The following DUSP16 variants were observed in gnomAD, a reference collection of about 807,000 sequenced individuals.
DUSP16 encodes dual specificity phosphatase 16.
A neutral mutation model predicts 58.3 loss-of-function variants in DUSP16; 21 were observed. The ratio of observed to expected loss-of-function variants is 0.36; its 90% CI spans 0.26 to 0.52. The LOEUF (loss-of-function observed/expected upper bound fraction) is 0.52, where lower values mean the gene tolerates loss of function less well. Ranked by LOEUF, DUSP16 falls within the 20% of genes least tolerant of loss-of-function variation. DUSP16 has a pLI of 0.94. For synonymous variants in DUSP16, 320 were observed against 323.8 expected (o/e 0.99, Z 0.12); for missense variants, 726 against 819.0 (o/e 0.89, Z 1.39).
chr12:12,560,507 AT>A (rs1207956028), intron 1 of DUSP16, among the ~76,000 whole-genome samples: 5 of 152,198 alleles, frequency 3.3e-5, no homozygotes, highest in Non-Finnish European at 5.9e-5. Context: ...AACTTTCCAC[AT>A]TGTCTTCAAA....
rs1943399785 is a variant in DUSP16, at chr12:12,475,116, T to C, written c.*1717A>G. ...AGAAGTCACCATAGGAAACATGAAG[T>C]CACATCCTGGTCAAAAAACTGTCCA... is the stretch of plus-strand genomic sequence containing the variant. On this transcript the variant is annotated 3_prime_UTR_variant, in exon 7 of 7. Coordinates refer to ENST00000298573, the MANE Select transcript of DUSP16 (RefSeq NM_030640.3). The C allele has an allele frequency of 6.6e-6, 1 of 151,970 alleles. No homozygotes were observed. Among genetic ancestry groups the C allele is most frequent in the African/African-American group, 2.4e-5 (1 of 41,318 alleles). The allele number at this position is 151,970 out of a possible 1,614,324, so 9.4% of individuals were successfully genotyped here. A position where few individuals can be genotyped will look rare whatever the true frequency, so the allele number is the denominator to read the frequency against.
intron 3 of DUSP16, among the ~76,000 whole-genome samples, chr12:12,518,301 G>C (rs1176123351): frequency 6.6e-6 from 1 of 152,136 alleles, no homozygotes; most frequent in East Asian, 1.9e-4. Context: ...GATCACCTGA[G>C]GTCAAAGTTC....
In DUSP16 at chr12:12,501,609, A is replaced by G. The variant is rs1943911681; in HGVS notation, c.368-927T>C. ...AACAGATTCTGATAAATTTTCAGAT[A>G]TACGCCTTGCTATTCAAACCCTCGC... On this transcript the variant is annotated intron_variant, in intron 3 of 6. Transcript: ENST00000298573. 2.0e-5 allele frequency among the ~76,000 whole-genome samples: 3 copies of G among 152,296 alleles called. No homozygotes were observed. In the South Asian group the frequency reaches 6.2e-4, roughly 32 times the overall value.
intron 3 of DUSP16, among the ~76,000 whole-genome samples, chr12:12,511,172 G>A (rs2136223354): frequency 6.6e-6 from 1 of 152,208 alleles, no homozygotes; most frequent in East Asian, 1.9e-4. Flanking sequence ...GACAGAGCAT[G>A]TGAACAGATC....
At chr12:12,556,463 T>G (rs1944807419) in intron 1 of DUSP16, among the ~76,000 whole-genome samples, 1 of 151,954 alleles carries the variant, frequency 6.6e-6, no homozygotes, top group African/African-American at 2.4e-5. Flanking sequence ...TGGTCTCAGC[T>G]ACTTGGGAGG....
At chr12:12,478,066 C>T (rs1443901794) in intron 6 of DUSP16, 51 bp from the exon 7 acceptor site, 1 of 1,381,626 alleles carries the variant, frequency 7.2e-7, no homozygotes. Context: ...TACACTTTAT[C>T]TTAAGAATAT....
intron 3 of DUSP16, among the ~76,000 whole-genome samples, chr12:12,517,952 A>G (rs938019107): frequency 1.3e-5 from 2 of 152,122 alleles, no homozygotes; most frequent in African/African-American, 4.8e-5. Flanking sequence ...TTTCTTCCTT[A>G]TTGCCCAGTG....
At chr12:12,559,224 GT>G (rs1329870183) in intron 1 of DUSP16, among the ~76,000 whole-genome samples, 2 of 152,084 alleles carry the variant, frequency 1.3e-5, no homozygotes, top group African/African-American at 4.8e-5. Context: ...TCCTAATTAT[GT>G]TTTTGTTTAA....
At chr12:12,484,330 T>C (rs1207284538) in intron 5 of DUSP16, among the ~76,000 whole-genome samples, 8 of 152,216 alleles carry the variant, frequency 5.3e-5, no homozygotes, top group African/African-American at 1.9e-4. Flanking sequence ...TTTGTGTGTA[T>C]GTGTTTAACC....
rs757592289 is a variant in DUSP16, at chr12:12,477,634, G to A, written c.1197C>T (p.Ser399=). The A allele has an allele frequency of 4.8e-5, 77 of 1,614,258 alleles. 1 individual carries two copies. The South Asian group carries it at 8.5e-4, about 18-fold the overall frequency. ...RLEDSNKLKR[S]FSLDIKSVSY... is the part of the protein sequence containing the mutation. ...AAACTGATTTGATATCCAGAGAGAA[G>A]GAACGCTTGAGCTTATTGCTGTCTT... The change falls in exon 7 of 7, where the codon TCC becomes TCT. Residue 399 remains serine, a synonymous_variant. Transcript: ENST00000298573. This position sits in a 1 kb window ranked among gnomAD's most constrained non-coding sequence, Gnocchi z 4.1.
rs140724465 is a variant in DUSP16, at chr12:12,528,507, G to C, written c.-365-7044C>G. ...AGAAAGATTTAGAACAAGCCAAACA[G>C]AGGTCAGATGGGGATTAATTCGTGC... On this transcript the variant is annotated intron_variant, in intron 1 of 6. Transcript: ENST00000298573. 3.8e-3 allele frequency among the ~76,000 whole-genome samples: 584 copies of C among 152,318 alleles called. 3 individuals carry two copies. Among genetic ancestry groups the C allele is most frequent in the African/African-American group, 0.013 (548 of 41,568 alleles).
In DUSP16 at chr12:12,477,982, T is replaced by G; in HGVS notation, c.849A>C (p.Pro283=). 6.2e-7 allele frequency: 1 copy of G among 1,607,142 alleles called. No individual in the cohort carries two copies. Among genetic ancestry groups the G allele is most frequent in the African/African-American group, 1.3e-5 (1 of 74,648 alleles). Residue 283 remains proline (P), a synonymous_variant, in exon 7 of 7, where the codon CCA becomes CCC. Coordinates refer to ENST00000298573, the MANE Select transcript of DUSP16 (RefSeq NM_030640.3). This position sits in a 1 kb window ranked among gnomAD's most constrained non-coding sequence, Gnocchi z 4.1. The stretch of plus-strand genomic sequence containing the variant: ...GGAGTTGGCCCAGAAAATTGAAGTT[T>G]GGAGATATAGTAGGTCTTTTTTCTT... ...FVKEKRPTIS[P]NFNFLGQLLD...
intron 3 of DUSP16, among the ~76,000 whole-genome samples, 190 bp from the exon 4 acceptor site, chr12:12,500,872 C>T (rs371460053): frequency 3.9e-5 from 6 of 152,308 alleles, no homozygotes; most frequent in African/African-American, 1.4e-4. Flanking sequence ...TATAACGCTA[C>T]CATGGGGATA....
chr12:12,543,393 C>T (rs754009276), intron 1 of DUSP16, among the ~76,000 whole-genome samples: 1 of 151,982 alleles, frequency 6.6e-6, no homozygotes, highest in Admixed American at 6.6e-5. Flanking sequence ...GCAAAGGGGG[C>T]AAACTGGTAA....
intron 4 of DUSP16, among the ~76,000 whole-genome samples, chr12:12,494,270 C>T (rs1943799464): frequency 2.0e-5 from 3 of 152,060 alleles, no homozygotes; most frequent in Admixed American, 1.3e-4. Flanking sequence ...AGTAAATTAA[C>T]AGAAGGTGTG....
chr12:12,526,194 C>G (rs1042114519), intron 1 of DUSP16, among the ~76,000 whole-genome samples: 10 of 152,090 alleles, frequency 6.6e-5, no homozygotes, highest in Non-Finnish European at 1.3e-4. Flanking sequence ...TAAAGAAATA[C>G]CATTTCTGGT....
intron 1 of DUSP16, among the ~76,000 whole-genome samples, chr12:12,531,268 C>T (rs1944379930): frequency 6.6e-6 from 1 of 152,156 alleles, no homozygotes; most frequent in Admixed American, 6.5e-5. Flanking sequence ...TCTCACCCAC[C>T]TGCACTCAAG....
At chr12:12,525,731 TACACACACACACAC>T (rs35552389) in intron 1 of DUSP16, among the ~76,000 whole-genome samples, 2 of 146,080 alleles carry the variant, frequency 1.4e-5, no homozygotes, top group African/African-American at 2.5e-5. Flanking sequence ...AATATATGTA[TACACACACACACAC>T]ACACACACAC....
At chr12:12,520,817 T>G (rs1466540502) in intron 2 of DUSP16, 54 bp downstream of exon 2, 1 of 1,578,840 alleles carries the variant, frequency 6.3e-7, no homozygotes, top group Non-Finnish European at 8.6e-7. Flanking sequence ...ATTAAAATTA[T>G]TCCTCATTCA....
Sources: allele counts gnomAD v4.1 joint callset (sites outside exome capture counted in the v4.1 genomes callset), GRCh38; gene constraint gnomAD v4.1.1; non-coding constraint Gnocchi (gnomAD v3.1); transcripts MANE v1.5; gene names NCBI Gene and HGNC (gene_info 2026-07-23, HGNC 2026-07-21).